Variants in PPP1R11 observed in about 807,000 individuals in gnomAD.
The protein encoded by PPP1R11 is E3 ubiquitin-protein ligase PPP1R11.
PPP1R11 carries 10 observed loss-of-function variants against 11.3 expected under a neutral mutation model. The observed-to-expected ratio is 0.88, with a 90% CI of 0.55 to 1.50. PPP1R11 has a LOEUF of 1.50. Among genes scored for constraint, PPP1R11 ranks in the 40% most tolerant of loss-of-function variants. PPP1R11 has a pLI of 0.00. For synonymous variants in PPP1R11, 56 were observed against 62.3 expected (o/e 0.90, Z 0.48); for missense variants, 114 against 179.1 (o/e 0.64, Z 2.07).
At position 30,067,383 on chromosome 6, in the gene PPP1R11, C is replaced by G. The variant is rs776686962; in HGVS notation, c.-28C>G. 11 of 1,607,350 alleles carry G rather than the reference C, an allele frequency of 6.8e-6. No individual in the cohort carries two copies. The highest frequency in any genetic ancestry group is 9.4e-6 in the Non-Finnish European group (11 of 1,174,190). ...GGAAGGGTGTCTCATCCCCCTTCCT[C>G]CTCTCCTCCCTGTCCTGAGCCTTAG... On this transcript the variant is annotated 5_prime_UTR_variant, in exon 1 of 3. Coordinates refer to ENST00000376772, the MANE Select transcript of PPP1R11 (RefSeq NM_021959.3).
At chr6:30,063,150 A>AT (rs138940267), upstream of PPP1R11, among the ~76,000 whole-genome samples, 1 of 151,824 alleles carries the variant, frequency 6.6e-6, no homozygotes, top group African/African-American at 2.4e-5. The surrounding 1 kb of genome is among the most constrained non-coding windows in gnomAD (Gnocchi z 4.1). Context: ...CTGAGAGTGG[A>AT]CTTTTTTTTC....
chr6:30,062,714 C>CCTTTTTTTTTTTTTTTT (rs749507630), upstream of PPP1R11, among the ~76,000 whole-genome samples: 31 of 42,390 alleles, frequency 7.3e-4, 3 homozygotes, highest in African/African-American at 1.8e-3. Flanking sequence ...CCACGCCTGG[C>CCTTTTTTTTTTTTTTTT]TTTTTTTTTT....
At chr6:30,061,666 C>T in the PPP1R11 span, 2 of 1,612,932 alleles carry the variant, frequency 1.2e-6, no homozygotes, top group Admixed American at 3.3e-5. This position sits in a 1 kb window ranked among gnomAD's most constrained non-coding sequence, Gnocchi z 5.0. Flanking sequence ...CATCAACGTT[C>T]GGGGTGAGAG....
At chr6:30,063,096 C>T (rs138944692), upstream of PPP1R11, among the ~76,000 whole-genome samples, 8 of 152,046 alleles carry the variant, frequency 5.3e-5, no homozygotes, top group East Asian at 5.8e-4. The surrounding 1 kb of genome is among the most constrained non-coding windows in gnomAD (Gnocchi z 4.1). Context: ...TATCAAAATA[C>T]GATTTTCTTT....
chr6:30,068,610 C>G lies in PPP1R11; in HGVS notation c.90C>G (p.Ile30Met). 6.2e-7 allele frequency: 1 copy of G among 1,612,800 alleles called. No homozygotes were observed. Among genetic ancestry groups the G allele is most frequent in the Non-Finnish European group, 8.5e-7 (1 of 1,179,972 alleles). The change falls in exon 2 of 3, where the codon ATC becomes ATG. Residue 30 changes from isoleucine (I) to methionine (M), a missense_variant. Physicochemically the swap from Ile to Met is conservative, Grantham distance 10. Transcript: ENST00000376772. ...TCTAGGAGAACCGGAGCCTTACCAT[C>G]AAACTTCGGAAACGGAAGCCAGAGA... The part of the protein sequence containing the change: ...TTEPENRSLT[I>M]KLRKRKPEKK...
intron 1 of PPP1R11, chr6:30,067,724 G>T (rs1243773210): frequency 2.2e-6 from 1 of 465,090 alleles, no homozygotes; most frequent in East Asian, 3.3e-5. Flanking sequence ...GCTGCTTGGG[G>T]TGGTTATGTG....
At chr6:30,064,825 G>A (rs1765379183), upstream of PPP1R11, 1 of 732,668 alleles carries the variant, frequency 1.4e-6, no homozygotes, top group South Asian at 1.9e-5. Context: ...AGATCATCAT[G>A]TGGGGATTAC....
chr6:30,061,745 TGAG>T, upstream of PPP1R11: 2 of 1,599,012 alleles, frequency 1.3e-6, no homozygotes, highest in Non-Finnish European at 1.7e-6. This position sits in a 1 kb window ranked among gnomAD's most constrained non-coding sequence, Gnocchi z 5.0. Flanking sequence ...TCGGTTGGGT[TGAG>T]GAGGGGATCC....
In PPP1R11 at chr6:30,067,371, A is replaced by C. The variant is rs936916362; in HGVS notation, c.-40A>C. On this transcript the variant is annotated 5_prime_UTR_variant, in exon 1 of 3. Transcript: ENST00000376772. ...CGACAGAAAAAGGGAAGGGTGTCTC[A>C]TCCCCCTTCCTCCTCTCCTCCCTGT... is the stretch of plus-strand genomic sequence containing the variant. The C allele has an allele frequency of 1.3e-6, 2 of 1,578,520 alleles. No homozygotes were observed. The highest frequency in any genetic ancestry group is 1.7e-6 in the Non-Finnish European group (2 of 1,148,280).
intron 1 of PPP1R11, 24 bp from the exon 2 acceptor site, chr6:30,068,566 G>T: frequency 6.3e-7 from 1 of 1,592,206 alleles, no homozygotes; most frequent in Non-Finnish European, 8.6e-7. Flanking sequence ...GACTAGATAG[G>T]TATGCTCATC....
chr6:30,068,628 G>A lies in PPP1R11; in HGVS notation c.108G>A (p.Lys36=). 6.2e-7 allele frequency: 1 copy of A among 1,612,956 alleles called. No individual in the cohort carries two copies. Among genetic ancestry groups the A allele is most frequent in the Non-Finnish European group, 8.5e-7 (1 of 1,179,990 alleles). The change falls in exon 2 of 3, where the codon AAG becomes AAA. Residue 36 remains lysine, a synonymous_variant. Transcript: ENST00000376772. The part of the protein sequence containing the change: ...RSLTIKLRKR[K]PEKKVEWTSD... ...TTACCATCAAACTTCGGAAACGGAA[G>A]CCAGAGAAAAAGGTAGAATGGACAA...
chr6:30,064,994 G>C, upstream of PPP1R11: 1 of 310,908 alleles, frequency 3.2e-6, no homozygotes, highest in Non-Finnish European at 5.8e-6. Flanking sequence ...AAGAAAAGGG[G>C]GAAAAATTAG....
At chr6:30,061,305 C>A in the PPP1R11 span, 230 of 489,400 alleles carry the variant, frequency 4.7e-4, 17 homozygotes, top group East Asian at 1.7e-3. The surrounding 1 kb of genome is among the most constrained non-coding windows in gnomAD (Gnocchi z 5.0). Context: ...TAACTCCTCT[C>A]ACCGGCCCCT....
At chr6:30,064,828 G>A, upstream of PPP1R11, 1 of 710,562 alleles carries the variant, frequency 1.4e-6, no homozygotes, top group South Asian at 2.0e-5. Flanking sequence ...TCATCATGTG[G>A]GGATTACCAT....
upstream of PPP1R11, chr6:30,061,979 A>G (rs773386001): frequency 5.6e-6 from 9 of 1,612,962 alleles, no homozygotes; most frequent in African/African-American, 9.3e-5. The surrounding 1 kb of genome is among the most constrained non-coding windows in gnomAD (Gnocchi z 5.0). Flanking sequence ...AGCCATGCCT[A>G]TGTCGGTGGA....
At chr6:30,061,292 G>A in the PPP1R11 span, 1 of 454,806 alleles carries the variant, frequency 2.2e-6, no homozygotes. The surrounding 1 kb of genome is among the most constrained non-coding windows in gnomAD (Gnocchi z 5.0). Context: ...CCACGGAGTT[G>A]GTTAACTCCT....
upstream of PPP1R11, among the ~76,000 whole-genome samples, chr6:30,065,537 TAATC>T (rs757954150): frequency 2.5e-4 from 38 of 152,124 alleles, 1 homozygote; most frequent in East Asian, 3.5e-3. This position sits in a 1 kb window ranked among gnomAD's most constrained non-coding sequence, Gnocchi z 5.3. Flanking sequence ...AAATATGTGT[TAATC>T]AACGGTTTAT....
upstream of PPP1R11, chr6:30,064,939 C>A: frequency 2.6e-6 from 1 of 387,090 alleles, no homozygotes; most frequent in South Asian, 1.1e-4. Context: ...CTGTCTTATT[C>A]CAAAAGGAAT....
upstream of PPP1R11, among the ~76,000 whole-genome samples, chr6:30,062,909 A>AAAC (rs1425056527): frequency 6.6e-6 from 1 of 151,206 alleles, no homozygotes; most frequent in Non-Finnish European, 1.5e-5. Context: ...AAGAAAAAAA[A>AAAC]AACAACATAA....
Sources: allele counts gnomAD v4.1 joint callset (sites outside exome capture counted in the v4.1 genomes callset), GRCh38; gene constraint gnomAD v4.1.1; non-coding constraint Gnocchi (gnomAD v3.1); transcripts MANE v1.5; gene names NCBI Gene and HGNC (gene_info 2026-07-23, HGNC 2026-07-21).